The following ENTREP1 variants were observed in gnomAD, a reference collection of about 807,000 sequenced individuals.
ENTREP1 encodes Friedreich ataxia region gene X123.
chr9:69,347,988 T>C, the ENTREP1 span, among the ~76,000 whole-genome samples: 3 of 152,240 alleles, frequency 2.0e-5, no homozygotes, highest in South Asian at 6.2e-4. Context: ...TCTAGTTTGC[T>C]TCATGTTTGG....
chr9:69,337,005 CTTTTTTTTTTT>C, the ENTREP1 span, among the ~76,000 whole-genome samples: 185 of 56,004 alleles, frequency 3.3e-3, 2 homozygotes, highest in Admixed American at 5.3e-3. Context: ...GCTGTTATTC[CTTTTTTTTTTT>C]TTTTTTTTTT....
chr9:69,350,074 G>C, the ENTREP1 span, among the ~76,000 whole-genome samples: 1 of 152,134 alleles, frequency 6.6e-6, no homozygotes, highest in South Asian at 2.1e-4. Flanking sequence ...AAGCACAAAA[G>C]TTTACAATTT....
At chr9:69,391,023 A>C in the ENTREP1 span, among the ~76,000 whole-genome samples, 1 of 151,204 alleles carries the variant, frequency 6.6e-6, no homozygotes, top group Non-Finnish European at 1.5e-5. Context: ...GGTTGAAGTA[A>C]TCCTCCTGAC....
At chr9:69,369,635 G>A in the ENTREP1 span, among the ~76,000 whole-genome samples, 1 of 149,384 alleles carries the variant, frequency 6.7e-6, no homozygotes, top group African/African-American at 2.4e-5. Flanking sequence ...TTTCTAAAGT[G>A]GTTGTGCCAC....
chr9:69,379,240 G>T, the ENTREP1 span, among the ~76,000 whole-genome samples: 1 of 152,222 alleles, frequency 6.6e-6, no homozygotes. Context: ...GTGACTTTGA[G>T]ATAGGTCACC....
the ENTREP1 span, among the ~76,000 whole-genome samples, chr9:69,350,326 A>G: frequency 2.1e-5 from 1 of 48,508 alleles, no homozygotes; most frequent in Non-Finnish European, 3.7e-5. Flanking sequence ...CATTTGTTAG[A>G]AAGACTCTTT....
chr9:69,371,762 C>T, the ENTREP1 span, among the ~76,000 whole-genome samples: 5 of 152,300 alleles, frequency 3.3e-5, no homozygotes, highest in East Asian at 7.7e-4. Flanking sequence ...AAAGAGCTGC[C>T]TGCTGATTAT....
the ENTREP1 span, among the ~76,000 whole-genome samples, chr9:69,327,147 A>G: frequency 1.3e-5 from 2 of 152,212 alleles, no homozygotes; most frequent in South Asian, 4.1e-4. Context: ...TTCCTTTTGA[A>G]ATACTTTCAT....
the ENTREP1 span, among the ~76,000 whole-genome samples, chr9:69,330,367 T>C: frequency 2.6e-5 from 4 of 152,242 alleles, no homozygotes; most frequent in Non-Finnish European, 5.9e-5. Context: ...TGTTGTTTTT[T>C]ACTCCTCTCT....
At chr9:69,327,133 T>G in the ENTREP1 span, among the ~76,000 whole-genome samples, 4 of 152,248 alleles carry the variant, frequency 2.6e-5, no homozygotes, top group Admixed American at 6.5e-5. Flanking sequence ...AGTGTCAGTT[T>G]GCTTTCCTTT....
chr9:69,377,603 T>C, the ENTREP1 span: 1 of 1,613,740 alleles, frequency 6.2e-7, no homozygotes, highest in Non-Finnish European at 8.5e-7. Context: ...GAGCTGCTGT[T>C]TAATCAGGAT....
the ENTREP1 span, among the ~76,000 whole-genome samples, chr9:69,348,423 CT>C: frequency 6.6e-6 from 1 of 152,134 alleles, no homozygotes; most frequent in Admixed American, 6.6e-5. Context: ...CCCAAGCCTG[CT>C]GCTTTTTTCT....
the ENTREP1 span, among the ~76,000 whole-genome samples, chr9:69,335,824 G>A: frequency 3.7e-5 from 1 of 26,772 alleles, no homozygotes; most frequent in African/African-American, 1.9e-4. Context: ...AACAGGCCAG[G>A]TGTGGTGACA....
At chr9:69,330,220 C>T in the ENTREP1 span, among the ~76,000 whole-genome samples, 2 of 152,088 alleles carry the variant, frequency 1.3e-5, no homozygotes, top group African/African-American at 4.8e-5. Context: ...ACTCAGTCGG[C>T]CACACTGCAC....
At chr9:69,338,414 A>G in the ENTREP1 span, among the ~76,000 whole-genome samples, 2 of 152,260 alleles carry the variant, frequency 1.3e-5, no homozygotes. Context: ...GAAAATCTTC[A>G]ATGGTATTTG....
chr9:69,357,912 C>T, the ENTREP1 span, among the ~76,000 whole-genome samples: 3 of 151,980 alleles, frequency 2.0e-5, no homozygotes, highest in Non-Finnish European at 2.9e-5. Flanking sequence ...GAAATGCTTC[C>T]CCAAATTGAA....
chr9:69,325,768 T>C, the ENTREP1 span: 6 of 1,215,888 alleles, frequency 4.9e-6, no homozygotes, highest in East Asian at 3.3e-5. Flanking sequence ...ATCCCGGTGA[T>C]AGGGGGCTCT....
the ENTREP1 span, chr9:69,324,890 C>G: frequency 2.0e-6 from 2 of 985,098 alleles, no homozygotes; most frequent in Non-Finnish European, 2.4e-6. Flanking sequence ...TCTCGGTGGC[C>G]GGCGCTGACG....
the ENTREP1 span, among the ~76,000 whole-genome samples, chr9:69,366,384 G>GTTT: frequency 0.058 from 7,156 of 122,866 alleles, 368 homozygotes; most frequent in South Asian, 0.07. Flanking sequence ...TTCCAACTGG[G>GTTT]GTTTTTTTTT....
Sources: gnomAD v4.1 joint callset for allele counts (sites outside exome capture counted in the v4.1 genomes callset) on GRCh38, gnomAD v4.1.1 for gene constraint, MANE v1.5 for transcripts, NCBI Gene and HGNC (gene_info 2026-07-23, HGNC 2026-07-21) for gene names.